Variants in PTPRO observed in about 807,000 individuals in gnomAD.
PTPRO encodes receptor-type tyrosine-protein phosphatase O.
Under a neutral mutation model 145.2 loss-of-function variants are expected in PTPRO, and 62 were observed. The ratio of observed to expected loss-of-function variants is 0.43; its 90% confidence interval spans 0.35 to 0.53. The LOEUF (loss-of-function observed/expected upper bound fraction) is 0.53, where lower values mean the gene tolerates loss of function less well. PTPRO is among the 20% of genes least tolerant of loss of function. The pLI, the probability that PTPRO is intolerant of heterozygous loss-of-function variation, is 0.01. For missense variants in PTPRO, 1,345 were observed against 1,482.7 expected (o/e 0.91, Z 1.53); for synonymous variants, 565 against 514.7 (o/e 1.10, Z -1.32).
At chr12:15,387,008 C>T (rs748691845) in intron 1 of PTPRO, among the ~76,000 whole-genome samples, 14 of 152,166 alleles carry the variant, frequency 9.2e-5, no homozygotes, top group Non-Finnish European at 1.8e-4. Flanking sequence ...TGGAGACTGG[C>T]TTAAGTATCT....
intron 25 of PTPRO, among the ~76,000 whole-genome samples, chr12:15,591,140 G>C (rs368553341): frequency 6.6e-6 from 1 of 151,968 alleles, no homozygotes; most frequent in Non-Finnish European, 1.5e-5. Flanking sequence ...AGGCTGAGGC[G>C]TGCGGATCAC....
At chr12:15,592,372 T>C (rs1193822591) in intron 25 of PTPRO, among the ~76,000 whole-genome samples, 1 of 152,246 alleles carries the variant, frequency 6.6e-6, no homozygotes, top group Non-Finnish European at 1.5e-5. Flanking sequence ...TCTGTTTTTA[T>C]GTATATAATC....
chr12:15,448,280 AAGAATCCACCTGGCATTAT>A (rs1302245351), intron 1 of PTPRO, among the ~76,000 whole-genome samples: 3 of 141,230 alleles, frequency 2.1e-5, no homozygotes, highest in African/African-American at 7.6e-5. Flanking sequence ...TCTTATTCAA[AAGAATCCACCTGGCATTAT>A]ATATTTGCCT....
At chr12:15,406,019 A>G (rs1565611165) in intron 1 of PTPRO, among the ~76,000 whole-genome samples, 1 of 152,132 alleles carries the variant, frequency 6.6e-6, no homozygotes, top group Non-Finnish European at 1.5e-5. Flanking sequence ...ATTAAATTTA[A>G]TTTTTTATTC....
intron 1 of PTPRO, among the ~76,000 whole-genome samples, chr12:15,397,244 A>G (rs556650040): frequency 1.3e-4 from 20 of 152,214 alleles, no homozygotes; most frequent in Non-Finnish European, 2.8e-4. Context: ...ACTGTGTTTT[A>G]TTTATGCAAG....
intron 1 of PTPRO, among the ~76,000 whole-genome samples, chr12:15,473,767 T>TA (rs1941593205): frequency 2.6e-5 from 1 of 38,394 alleles, no homozygotes; most frequent in Non-Finnish European, 4.3e-5. Flanking sequence ...AGACTCCATC[T>TA]CAAAAAAAAA....
At chr12:15,374,569 G>T (rs897427588) in intron 1 of PTPRO, among the ~76,000 whole-genome samples, 12 of 152,114 alleles carry the variant, frequency 7.9e-5, no homozygotes, top group African/African-American at 2.9e-4. Context: ...TCAAATAGTA[G>T]CATCCCCAGA....
chr12:15,518,067 G>A (rs1000188314), intron 9 of PTPRO, among the ~76,000 whole-genome samples: 2 of 152,260 alleles, frequency 1.3e-5, no homozygotes, highest in Admixed American at 1.3e-4. Flanking sequence ...CCCTGCTGCA[G>A]CAAACTTTTG....
rs1943075290 is a variant in PTPRO, at chr12:15,536,837, G to C, written c.2165-9732G>C. The stretch of plus-strand genomic sequence containing the variant: ...AAAGTGTTCCCGTGTGGACATTTTT[G>C]ATAAATTACATGGTCACCTTAAAGT... On this transcript the variant is annotated intron_variant, in intron 12 of 26. Coordinates refer to ENST00000281171, the MANE Select transcript of PTPRO (RefSeq NM_030667.3). Among the ~76,000 whole-genome samples the C allele has an allele frequency of 2.0e-5, 3 of 152,164 alleles. No homozygotes were observed. The South Asian group carries it at 6.2e-4, about 31-fold the overall frequency.
At chr12:15,459,042 A>C (rs544395006) in intron 1 of PTPRO, among the ~76,000 whole-genome samples, 1 of 152,306 alleles carries the variant, frequency 6.6e-6, no homozygotes, top group Non-Finnish European at 1.5e-5. Context: ...TGCTAGGCAA[A>C]ACCATCAGCT....
In PTPRO at chr12:15,387,801, C is replaced by T. The variant is rs1485661945; in HGVS notation, c.75+65000C>T. Among the ~76,000 whole-genome samples, 4 of 152,274 alleles carry T rather than the reference C, an allele frequency of 2.6e-5. No homozygotes were observed. In the East Asian group the frequency reaches 7.7e-4, roughly 29 times the overall value. On this transcript the variant is annotated intron_variant, in intron 1 of 26. Transcript: ENST00000281171. ...TAATATTTTAATATGTAACAGACCA[C>T]AAGAATGTTAAAAGAGTGGTCTTCA...
chr12:15,549,530 C>T (rs2135556682), intron 14 of PTPRO, among the ~76,000 whole-genome samples: 1 of 152,296 alleles, frequency 6.6e-6, no homozygotes, highest in East Asian at 1.9e-4. Flanking sequence ...CTCATCTCAT[C>T]TTCTTCAGTA....
At chr12:15,350,671 C>T (rs980986368) in intron 1 of PTPRO, among the ~76,000 whole-genome samples, 1 of 152,162 alleles carries the variant, frequency 6.6e-6, no homozygotes, top group Non-Finnish European at 1.5e-5. Context: ...TTGAAACTGC[C>T]TGGTTACTTT....
chr12:15,407,360 C>T (rs982988172), intron 1 of PTPRO, among the ~76,000 whole-genome samples: 2 of 152,152 alleles, frequency 1.3e-5, no homozygotes, highest in African/African-American at 4.8e-5. Context: ...AGGTTCCCCC[C>T]ACCCCCAATT....
chr12:15,585,848 T>C (rs1369717103), intron 23 of PTPRO, among the ~76,000 whole-genome samples: 1 of 152,168 alleles, frequency 6.6e-6, no homozygotes, highest in Non-Finnish European at 1.5e-5. Flanking sequence ...TAGTTGGGAC[T>C]AAAAAGAGTT....
chr12:15,476,425 T>G (rs1306603859), intron 1 of PTPRO, among the ~76,000 whole-genome samples: 3 of 152,020 alleles, frequency 2.0e-5, no homozygotes, highest in African/African-American at 7.3e-5. Context: ...TGTTTTTTTC[T>G]TGTAAATTTG....
intron 1 of PTPRO, chr12:15,348,646 G>C (rs1937677023): frequency 6.6e-6 from 1 of 152,204 alleles, no homozygotes; most frequent in Non-Finnish European, 1.5e-5. Context: ...AATTAACCGG[G>C]CGTGGTGGCG....
Position 15,544,490 on chromosome 12 carries a change from G to A in PTPRO, c.2165-2079G>A, listed in dbSNP as rs1198979848. ...ACCACTGCACTCCAGCCTGGTGACA[G>A]AGCGAGACTCCATCTCAAAAAAAAA... is the stretch of plus-strand genomic sequence containing the variant. On this transcript the variant is annotated intron_variant, in intron 12 of 26. Transcript: ENST00000281171. Among the ~76,000 whole-genome samples, 17 of 131,530 alleles carry A rather than the reference G, an allele frequency of 1.3e-4. No homozygotes were observed. In the Admixed American group the frequency reaches 1.4e-3, roughly 11 times the overall value. 86.3% of individuals were successfully genotyped at this position (131,530 alleles called of 152,430 possible).
intron 1 of PTPRO, among the ~76,000 whole-genome samples, chr12:15,468,022 T>C (rs1941455935): frequency 6.6e-6 from 1 of 152,188 alleles, no homozygotes; most frequent in Admixed American, 6.5e-5. Context: ...CAGCATCATA[T>C]CATCTTGGGG....
Sources: allele counts gnomAD v4.1 joint callset (sites outside exome capture counted in the v4.1 genomes callset), GRCh38; gene constraint gnomAD v4.1.1; transcripts MANE v1.5; gene names NCBI Gene and HGNC (gene_info 2026-07-23, HGNC 2026-07-21).